The following CACNA2D3 variants were observed in gnomAD, a reference collection of about 807,000 sequenced individuals.
CACNA2D3 encodes the protein calcium voltage-gated channel auxiliary subunit alpha2delta 3, also known as voltage-dependent calcium channel subunit alpha-2/delta-3.
Under a neutral mutation model 160.6 loss-of-function variants are expected in CACNA2D3, and 60 were observed. The observed-to-expected ratio is 0.37, with a 90% CI of 0.30 to 0.46. The LOEUF is 0.46. CACNA2D3 is among the 20% of genes least tolerant of loss of function. CACNA2D3 has a pLI of 1.00. For missense variants in CACNA2D3, 1,205 were observed against 1,365.0 expected (o/e 0.88, Z 1.85); for synonymous variants, 558 against 492.9 (o/e 1.13, Z -1.75).
In CACNA2D3 at chr3:54,763,716, T is replaced by C. The variant is rs191597694; in HGVS notation, c.1247-502T>C. Among the ~76,000 whole-genome samples, 47 of 114,594 alleles carry C rather than the reference T, an allele frequency of 4.1e-4. 1 individual carries two copies. In the East Asian group the frequency reaches 7.9e-3, roughly 19 times the overall value. 75.2% of individuals were successfully genotyped at this position (114,594 alleles called of 152,430 possible). ...ATATATGTATATATGTATATATATG[T>C]ACATATATACATATATATGTGTATA... On this transcript the variant is annotated intron_variant, in intron 12 of 37. Transcript: ENST00000474759.
At chr3:54,887,505 G>A (rs1477498292) in intron 23 of CACNA2D3, among the ~76,000 whole-genome samples, 1 of 152,094 alleles carries the variant, frequency 6.6e-6, no homozygotes, top group Non-Finnish European at 1.5e-5. Flanking sequence ...AAGAATCCCA[G>A]GGGTTATTAA....
chr3:54,590,679 T>C (rs539783977), intron 9 of CACNA2D3, among the ~76,000 whole-genome samples: 1 of 152,030 alleles, frequency 6.6e-6, no homozygotes, highest in Admixed American at 6.6e-5. Flanking sequence ...GCTCCTGGGC[T>C]CAAGTGATCC....
chr3:54,718,131 G>A (rs1382456810), intron 11 of CACNA2D3, among the ~76,000 whole-genome samples: 1 of 152,030 alleles, frequency 6.6e-6, no homozygotes, highest in African/African-American at 2.4e-5. Flanking sequence ...ATGTATTCCA[G>A]ATACCACTCC....
chr3:54,973,854 A>C (rs2222072), intron 29 of CACNA2D3, among the ~76,000 whole-genome samples: 59,067 of 152,054 alleles, frequency 0.39, 13,032 homozygotes, highest in East Asian at 0.55. Context: ...CGTATTCCAC[A>C]ATGGAAATAT....
At chr3:54,422,573 A>G (rs1196951942) in intron 4 of CACNA2D3, among the ~76,000 whole-genome samples, 2 of 152,214 alleles carry the variant, frequency 1.3e-5, no homozygotes, top group South Asian at 2.1e-4. Context: ...GTGGAATTCC[A>G]TGGACAAAGA....
At chr3:55,051,989 C>G (rs986761695) in intron 35 of CACNA2D3, among the ~76,000 whole-genome samples, 2 of 152,142 alleles carry the variant, frequency 1.3e-5, no homozygotes, top group Non-Finnish European at 2.9e-5. Flanking sequence ...ACACCCATGA[C>G]CTGCGCCCAC....
intron 4 of CACNA2D3, among the ~76,000 whole-genome samples, chr3:54,468,654 A>C (rs1700673224): frequency 6.6e-6 from 1 of 152,160 alleles, no homozygotes; most frequent in African/African-American, 2.4e-5. Context: ...ACCCCCACGG[A>C]GTCCAGCAAG....
rs998811419 is a variant in CACNA2D3, at chr3:54,944,931, C to T, written c.2450-23519C>T. The stretch of plus-strand genomic sequence containing the variant: ...AAGGCTCTCCCCAAATATCTGTAGC[C>T]TAGTTCACTTTTAAGAGTGAGGCAC... On this transcript the variant is annotated intron_variant, in intron 27 of 37. Transcript: ENST00000474759. Among the ~76,000 whole-genome samples, 6 of 151,926 alleles carry T rather than the reference C, an allele frequency of 3.9e-5. 1 individual carries two copies. The highest frequency in any genetic ancestry group is 3.3e-4 in the Admixed American group (5 of 15,240).
At chr3:54,698,296 A>C (rs1427376641) in intron 11 of CACNA2D3, among the ~76,000 whole-genome samples, 1 of 152,210 alleles carries the variant, frequency 6.6e-6, no homozygotes, top group African/African-American at 2.4e-5. Flanking sequence ...ACTTATTGAC[A>C]CACAGGGATG....
chr3:54,918,611 A>G (rs764362985), intron 27 of CACNA2D3: 1 of 1,614,038 alleles, frequency 6.2e-7, no homozygotes, highest in Non-Finnish European at 8.5e-7. Flanking sequence ...ACAATCCCAC[A>G]CACAACGCCA....
intron 13 of CACNA2D3, among the ~76,000 whole-genome samples, chr3:54,799,438 T>C (rs1278929287): frequency 6.6e-6 from 1 of 152,160 alleles, no homozygotes; most frequent in Admixed American, 6.5e-5. Flanking sequence ...AGTGTATGTG[T>C]TGGGGGAAGT....
At chr3:54,148,205 A>G (rs1379194821) in intron 2 of CACNA2D3, among the ~76,000 whole-genome samples, 1 of 152,172 alleles carries the variant, frequency 6.6e-6, no homozygotes, top group African/African-American at 2.4e-5. Flanking sequence ...CTACCCTTCC[A>G]TATACTACAT....
At chr3:54,607,151 G>C (rs1698646475) in intron 9 of CACNA2D3, among the ~76,000 whole-genome samples, 1 of 152,136 alleles carries the variant, frequency 6.6e-6, no homozygotes, top group South Asian at 2.1e-4. Flanking sequence ...CATTAAGGGA[G>C]CCCCTGGGCA....
chr3:55,009,377 G>A lies in CACNA2D3; in HGVS notation c.2820-11G>A, dbSNP rs374036089. 32 of 1,613,222 alleles carry A rather than the reference G, an allele frequency of 2.0e-5. No homozygotes were observed. The highest frequency in any genetic ancestry group is 1.2e-4 in the African/African-American group (9 of 74,896). On this transcript the variant is annotated splice_polypyrimidine_tract_variant and intron_variant, in intron 33 of 37. Coordinates refer to ENST00000474759, the MANE Select transcript of CACNA2D3 (RefSeq NM_018398.3). ...ACGAAGTAACATTGGGCTTTTCCAC[G>A]ATCTGTTTAGGTTCCTGGTGGAATT...
At chr3:55,067,105 G>GGGA (rs1559478679) in intron 35 of CACNA2D3, among the ~76,000 whole-genome samples, 14 of 151,762 alleles carry the variant, frequency 9.2e-5, no homozygotes, top group African/African-American at 3.1e-4. Flanking sequence ...TTGTAGCGGG[G>GGGA]GGGGCTTTTC....
At chr3:54,903,260 T>A (rs1228547715) in intron 27 of CACNA2D3, among the ~76,000 whole-genome samples, 1 of 152,188 alleles carries the variant, frequency 6.6e-6, no homozygotes, top group African/African-American at 2.4e-5. Flanking sequence ...TCTGTGTCCA[T>A]GTGTTCTCAT....
chr3:54,219,224 G>A (rs772523903), intron 2 of CACNA2D3, among the ~76,000 whole-genome samples: 23 of 152,180 alleles, frequency 1.5e-4, no homozygotes, highest in Admixed American at 8.5e-4. Context: ...TTTGTGTTCA[G>A]TGAAGTGACT....
intron 9 of CACNA2D3, chr3:54,626,256 C>A: frequency 8.1e-7 from 1 of 1,229,982 alleles, no homozygotes; most frequent in Non-Finnish European, 1.2e-6. Flanking sequence ...TCCGCAGGTT[C>A]ACCTACCGTG....
chr3:54,562,673 C>T (rs540923908), intron 5 of CACNA2D3, 127 bp from the exon 6 acceptor site: 29 of 759,954 alleles, frequency 3.8e-5, no homozygotes, highest in Non-Finnish European at 5.8e-5. Context: ...GTGGCTATAA[C>T]TTCCTTCATA....
Sources: gnomAD v4.1 joint callset for allele counts (sites outside exome capture counted in the v4.1 genomes callset) on GRCh38, gnomAD v4.1.1 for gene constraint, MANE v1.5 for transcripts, NCBI Gene and HGNC (gene_info 2026-07-23, HGNC 2026-07-21) for gene names.